The following TMEM132D variants were observed in gnomAD, a reference collection of about 807,000 sequenced individuals.
The protein encoded by TMEM132D is transmembrane protein 132D.
Under a neutral mutation model 62.3 loss-of-function variants are expected in TMEM132D, and 21 were observed. The ratio of observed to expected loss-of-function variants is 0.34; its 90% CI spans 0.24 to 0.49. The LOEUF is 0.49. Among genes scored for constraint, TMEM132D ranks in the 20% least tolerant of loss-of-function variants. The pLI is 0.99. For missense variants in TMEM132D, 1,346 were observed against 1,402.8 expected (o/e 0.96, Z 0.65); for synonymous variants, 621 against 575.6 (o/e 1.08, Z -1.13).
At chr12:129,740,407 T>C (rs1170693504) in intron 1 of TMEM132D, among the ~76,000 whole-genome samples, 1 of 152,206 alleles carries the variant, frequency 6.6e-6, no homozygotes, top group African/African-American at 2.4e-5. Context: ...GGCCCTATAA[T>C]GCACCTGTTG....
chr12:129,288,853 A>T (rs1008725924), intron 4 of TMEM132D, among the ~76,000 whole-genome samples: 1 of 152,262 alleles, frequency 6.6e-6, no homozygotes, highest in African/African-American at 2.4e-5. Context: ...GAATGAGTAG[A>T]TGAAGAAAGA....
intron 5 of TMEM132D, among the ~76,000 whole-genome samples, chr12:129,116,369 A>C (rs1453307808): frequency 6.6e-6 from 1 of 152,202 alleles, no homozygotes; most frequent in South Asian, 2.1e-4. Flanking sequence ...GCACATTAAC[A>C]CTGCAAATCT....
chr12:129,222,299 T>C (rs979196168), intron 4 of TMEM132D, among the ~76,000 whole-genome samples: 8 of 152,138 alleles, frequency 5.3e-5, no homozygotes, highest in Non-Finnish European at 1.0e-4. Flanking sequence ...TTTCAAAATC[T>C]TATCAAGGTT....
At chr12:129,547,621 A>G (rs1876773567) in intron 2 of TMEM132D, among the ~76,000 whole-genome samples, 1 of 152,162 alleles carries the variant, frequency 6.6e-6, no homozygotes, top group South Asian at 2.1e-4. Flanking sequence ...TTTCCACCCA[A>G]ACACAGTGCA....
At chr12:129,350,747 T>A (rs946315721) in intron 3 of TMEM132D, among the ~76,000 whole-genome samples, 1 of 152,212 alleles carries the variant, frequency 6.6e-6, no homozygotes, top group Admixed American at 6.5e-5. Context: ...GGGGATTTTA[T>A]TATGACTGGG....
chr12:129,205,228 A>T (rs770050106), intron 5 of TMEM132D, among the ~76,000 whole-genome samples: 20 of 152,334 alleles, frequency 1.3e-4, no homozygotes, highest in South Asian at 4.1e-4. Context: ...AGCAAGCTGG[A>T]TAAAGAAACA....
chr12:129,557,425 C>A (rs1015125203), intron 2 of TMEM132D, among the ~76,000 whole-genome samples: 1 of 152,102 alleles, frequency 6.6e-6, no homozygotes, highest in Non-Finnish European at 1.5e-5. Flanking sequence ...ATAAGATGAA[C>A]AAGTTATGGC....
chr12:129,586,538 A>G (rs988588119), intron 2 of TMEM132D, among the ~76,000 whole-genome samples: 1 of 152,108 alleles, frequency 6.6e-6, no homozygotes, highest in African/African-American at 2.4e-5. Flanking sequence ...GTTCTAGGAG[A>G]GCCCTCTACC....
At chr12:129,604,994 T>A (rs1241395924) in intron 2 of TMEM132D, among the ~76,000 whole-genome samples, 1 of 152,216 alleles carries the variant, frequency 6.6e-6, no homozygotes, top group Non-Finnish European at 1.5e-5. Context: ...ACTTTAGTAA[T>A]CTCTCAGTAT....
chr12:129,849,235 A>C (rs1873456226), intron 1 of TMEM132D, among the ~76,000 whole-genome samples: 1 of 152,294 alleles, frequency 6.6e-6, no homozygotes, highest in East Asian at 1.9e-4. Context: ...CCCAAACCCA[A>C]GTGTATCCCA....
chr12:129,222,351 T>TA (rs1416535195), intron 4 of TMEM132D, among the ~76,000 whole-genome samples: 3 of 152,346 alleles, frequency 2.0e-5, no homozygotes, highest in Non-Finnish European at 2.9e-5. Flanking sequence ...CAAAAGCATT[T>TA]ACAATGAAAT....
intron 1 of TMEM132D, among the ~76,000 whole-genome samples, chr12:129,728,230 T>C (rs146060502): frequency 1.3e-4 from 20 of 152,182 alleles, no homozygotes; most frequent in Non-Finnish European, 2.9e-4. Context: ...AGGGGTGAAA[T>C]CCATCAGCAC....
intron 5 of TMEM132D, among the ~76,000 whole-genome samples, chr12:129,147,601 C>T (rs1399243635): frequency 6.6e-6 from 1 of 152,052 alleles, no homozygotes; most frequent in Non-Finnish European, 1.5e-5. Context: ...CAAGACCCAG[C>T]CTTGGATTGG....
chr12:129,825,694 G>A (rs946324653), intron 1 of TMEM132D, among the ~76,000 whole-genome samples: 1 of 152,254 alleles, frequency 6.6e-6, no homozygotes, highest in East Asian at 1.9e-4. Flanking sequence ...GTATGGGGTG[G>A]ACTGTGCCCT....
At chr12:129,382,572 C>T (rs978419821) in intron 3 of TMEM132D, among the ~76,000 whole-genome samples, 2 of 152,160 alleles carry the variant, frequency 1.3e-5, no homozygotes, top group African/African-American at 4.8e-5. Context: ...TCCTAAATCT[C>T]AAGTGTAAAA....
At chr12:129,704,673 C>G (rs1177540662) in intron 1 of TMEM132D, among the ~76,000 whole-genome samples, 1 of 152,014 alleles carries the variant, frequency 6.6e-6, no homozygotes, top group Non-Finnish European at 1.5e-5. Flanking sequence ...ACCGTCCCCC[C>G]AGGGATGCCG....
intron 2 of TMEM132D, among the ~76,000 whole-genome samples, chr12:129,662,461 G>T (rs995315448): frequency 6.6e-6 from 1 of 151,950 alleles, no homozygotes; most frequent in East Asian, 1.9e-4. Context: ...GCTTTTTTTG[G>T]CCAAGACTCA....
At chr12:129,896,617 T>C (rs1179944901) in intron 1 of TMEM132D, among the ~76,000 whole-genome samples, 1 of 152,168 alleles carries the variant, frequency 6.6e-6, no homozygotes, top group East Asian at 1.9e-4. Context: ...CATAAACATT[T>C]AATGTCACTC....
intron 5 of TMEM132D, among the ~76,000 whole-genome samples, chr12:129,198,900 ATATAAT>A (rs1461832082): frequency 1.3e-5 from 2 of 152,202 alleles, no homozygotes; most frequent in East Asian, 1.9e-4. Flanking sequence ...CCATAAATAT[ATATAAT>A]TATAAACTGT....
Sources: gnomAD v4.1 joint callset for allele counts (sites outside exome capture counted in the v4.1 genomes callset) on GRCh38, gnomAD v4.1.1 for gene constraint, MANE v1.5 for transcripts, NCBI Gene and HGNC (gene_info 2026-07-23, HGNC 2026-07-21) for gene names.